PCDH7: variants seen among roughly 807,000 people sequenced by gnomAD.
PCDH7 encodes the protein protocadherin 7.
Under a neutral mutation model 58.9 loss-of-function variants are expected in PCDH7, and 17 were observed. The ratio of observed to expected loss-of-function variants is 0.29; its 90% CI spans 0.20 to 0.43. The LOEUF (loss-of-function observed/expected upper bound fraction) is 0.43. Ranked by LOEUF, PCDH7 falls within the 20% of genes least tolerant of loss-of-function variation. The pLI is 1.00. For missense variants in PCDH7, 1,274 were observed against 1,441.0 expected, an observed-to-expected ratio of 0.88 and a Z score of 1.88; for synonymous variants, 664 against 616.4, an observed-to-expected ratio of 1.08 and a Z score of -1.14.
intron 3 of PCDH7, among the ~76,000 whole-genome samples, chr4:30,956,639 A>T (rs896055216): frequency 6.6e-6 from 1 of 152,374 alleles, no homozygotes; most frequent in East Asian, 1.9e-4. Flanking sequence ...TAAAGCATTC[A>T]CATAGAATCA....
intron 1 of PCDH7, among the ~76,000 whole-genome samples, chr4:30,728,169 A>T (rs2109233930): frequency 6.6e-6 from 1 of 151,696 alleles, no homozygotes; most frequent in Non-Finnish European, 1.5e-5. Flanking sequence ...GAATTTTTTA[A>T]TTGCTTCAAT....
At position 31,099,247 on chromosome 4, in the gene PCDH7, T is replaced by C. The variant is rs114148694; in HGVS notation, c.*8-43226T>C. Among the ~76,000 whole-genome samples the C allele has an allele frequency of 2.8e-3, 432 of 152,298 alleles. 2 individuals are homozygous for C. The highest frequency in any genetic ancestry group is 0.01 in the African/African-American group (422 of 41,560). Reference sequence around the variant, plus strand: ...CAGAAAGGGGGCAAAGGAAAGTCACTGTGCCCTGTGTTGTAGGTCTTGAGT... The same window carrying C: ...CAGAAAGGGGGCAAAGGAAAGTCACCGTGCCCTGTGTTGTAGGTCTTGAGT... On this transcript the variant is annotated intron_variant, in intron 3 of 3. Transcript: ENST00000509759.
chr4:31,082,584 T>C (rs1032538285), intron 3 of PCDH7, among the ~76,000 whole-genome samples: 21 of 152,172 alleles, frequency 1.4e-4, no homozygotes, highest in Non-Finnish European at 2.9e-5. Context: ...CATGACATTA[T>C]CAGAAGTTGA....
At chr4:31,124,209 T>C (rs192436379) in intron 3 of PCDH7, among the ~76,000 whole-genome samples, 11 of 152,314 alleles carry the variant, frequency 7.2e-5, no homozygotes, top group East Asian at 3.9e-4. Flanking sequence ...GCCTGCCTCC[T>C]GTCTATATCA....
intron 1 of PCDH7, among the ~76,000 whole-genome samples, chr4:30,820,230 T>C (rs567382097): frequency 1.3e-5 from 2 of 152,148 alleles, no homozygotes; most frequent in African/African-American, 2.4e-5. Flanking sequence ...TAGATACTTT[T>C]TGTGTGTGAG....
chr4:30,978,284 C>T (rs1449151154), intron 3 of PCDH7, among the ~76,000 whole-genome samples: 1 of 152,120 alleles, frequency 6.6e-6, no homozygotes, highest in Non-Finnish European at 1.5e-5. Context: ...ACAAATCTTC[C>T]CTTTCTGATC....
At chr4:31,013,992 T>C (rs1753413841) in intron 3 of PCDH7, among the ~76,000 whole-genome samples, 1 of 152,224 alleles carries the variant, frequency 6.6e-6, no homozygotes, top group South Asian at 2.1e-4. Context: ...TGCAAAGAAA[T>C]CATACAGCAA....
chr4:30,991,082 C>T (rs540116777), intron 3 of PCDH7, among the ~76,000 whole-genome samples: 8 of 152,154 alleles, frequency 5.3e-5, no homozygotes, highest in East Asian at 1.9e-4. Context: ...CACGATACAC[C>T]GGGTTCTTTC....
At chr4:30,896,634 G>A (rs921917366) in intron 1 of PCDH7, among the ~76,000 whole-genome samples, 1 of 151,868 alleles carries the variant, frequency 6.6e-6, no homozygotes, top group African/African-American at 2.4e-5. Context: ...CAGACTAATT[G>A]TATGGAAAAT....
chr4:31,126,020 C>T (rs1017063540), intron 3 of PCDH7, among the ~76,000 whole-genome samples: 2 of 152,202 alleles, frequency 1.3e-5, no homozygotes, highest in Admixed American at 6.5e-5. Context: ...CAGATGCAAG[C>T]TCTTGGGTAA....
intron 3 of PCDH7, among the ~76,000 whole-genome samples, chr4:31,037,763 C>G (rs745924910): frequency 6.6e-6 from 1 of 152,164 alleles, no homozygotes; most frequent in South Asian, 2.1e-4. Flanking sequence ...CTCACTTCTC[C>G]CACCCCTTCT....
intron 3 of PCDH7, among the ~76,000 whole-genome samples, chr4:31,078,124 C>T (rs1263417487): frequency 6.6e-6 from 1 of 152,054 alleles, no homozygotes; most frequent in Non-Finnish European, 1.5e-5. Context: ...AGGGACTAAG[C>T]GCATCTTCAG....
At chr4:30,809,652 G>T (rs1726722746) in intron 1 of PCDH7, among the ~76,000 whole-genome samples, 1 of 152,164 alleles carries the variant, frequency 6.6e-6, no homozygotes, top group Non-Finnish European at 1.5e-5. Flanking sequence ...TTGTAGACTT[G>T]CTCCAGCCCT....
intron 1 of PCDH7, among the ~76,000 whole-genome samples, chr4:30,757,635 TC>T (rs1170264229): frequency 6.6e-6 from 1 of 152,190 alleles, no homozygotes; most frequent in African/African-American, 2.4e-5. Flanking sequence ...AAATGTCACT[TC>T]CTATGCAATG....
At chr4:30,970,256 T>C (rs777148669) in intron 3 of PCDH7, among the ~76,000 whole-genome samples, 14 of 151,810 alleles carry the variant, frequency 9.2e-5, no homozygotes, top group Non-Finnish European at 1.5e-4. Flanking sequence ...AGTTTTGCTT[T>C]CTTCCTGGCA....
intron 1 of PCDH7, among the ~76,000 whole-genome samples, chr4:30,762,957 C>T (rs1032532153): frequency 2.6e-5 from 4 of 152,114 alleles, no homozygotes; most frequent in Non-Finnish European, 4.4e-5. Flanking sequence ...ATATATTTAG[C>T]CTAGGCCAGG....
At chr4:30,912,304 C>T (rs1451563361) in intron 1 of PCDH7, among the ~76,000 whole-genome samples, 1 of 152,186 alleles carries the variant, frequency 6.6e-6, no homozygotes, top group Non-Finnish European at 1.5e-5. Flanking sequence ...TCAATAGCCA[C>T]TGACACTGGT....
intron 1 of PCDH7, among the ~76,000 whole-genome samples, chr4:30,894,402 G>A (rs1170846930): frequency 5.9e-5 from 8 of 135,812 alleles, no homozygotes; most frequent in African/African-American, 2.2e-4. Context: ...GATAAGCTCA[G>A]TTGATTGGAA....
intron 3 of PCDH7, among the ~76,000 whole-genome samples, chr4:31,070,028 T>C: frequency 6.6e-6 from 1 of 151,986 alleles, no homozygotes; most frequent in East Asian, 1.9e-4. Context: ...GAAGGTAACT[T>C]GTCTTGTATT....
Sources: allele counts gnomAD v4.1 joint callset (sites outside exome capture counted in the v4.1 genomes callset), GRCh38; gene constraint gnomAD v4.1.1; transcripts MANE v1.5; gene names NCBI Gene and HGNC (gene_info 2026-07-23, HGNC 2026-07-21).